SGK3: variants seen among roughly 807,000 people sequenced by gnomAD.
SGK3 encodes serum/glucocorticoid regulated kinase family member 3.
In SGK3, 47 loss-of-function variants were observed where a neutral mutation model predicts 68.5. The observed-to-expected ratio is 0.69, with a 90% CI of 0.54 to 0.87. The LOEUF is 0.87. Ranked by LOEUF, SGK3 falls within the 40% of genes least tolerant of loss-of-function variation. The pLI, the probability that SGK3 is intolerant of heterozygous loss-of-function variation, is 0.00. For missense variants in SGK3, 479 were observed against 575.5 expected, an observed-to-expected ratio of 0.83 and a Z score of 1.72; for synonymous variants, 181 against 189.1, an observed-to-expected ratio of 0.96 and a Z score of 0.35.
chr8:66,723,137 T>A lies in SGK3; in HGVS notation c.-122+10304T>A, dbSNP rs1389651802. Among the ~76,000 whole-genome samples, 480 of 94,902 alleles carry A rather than the reference T, an allele frequency of 5.1e-3. 1 individual carries two copies. Among genetic ancestry groups the A allele is most frequent in the African/African-American group, 0.013 (295 of 23,506 alleles). 62.3% of individuals were successfully genotyped at this position (94,902 alleles called of 152,430 possible). A position where few individuals can be genotyped will look rare whatever the true frequency, so the allele number is the denominator to read the frequency against. On this transcript the variant is annotated intron_variant, in intron 1 of 16. Coordinates refer to ENST00000521198, the MANE Select transcript of SGK3 (RefSeq NM_001033578.3). ...TATATATATATATATATATATTTTT[T>A]TTTTTTTTTTTTTTTGTAAAAGGGT... is the stretch of plus-strand genomic sequence containing the variant.
intron 6 of SGK3, among the ~76,000 whole-genome samples, chr8:66,827,924 CCAT>C (rs1432998765): frequency 2.0e-5 from 3 of 152,062 alleles, no homozygotes; most frequent in Non-Finnish European, 4.4e-5. Context: ...GAGATCGAGA[CCAT>C]CCTGGCTAAC....
chr8:66,746,011 G>A (rs1299569831), intron 1 of SGK3, among the ~76,000 whole-genome samples: 2 of 152,180 alleles, frequency 1.3e-5, no homozygotes, highest in African/African-American at 4.8e-5. Flanking sequence ...AGCCATAGCA[G>A]ATTTATTAAA....
Position 66,843,494 on chromosome 8 carries a change from A to T in SGK3, c.1021A>T (p.Thr341Ser). Reference protein sequence around the residue: ...EVIRKQPYDNTVDWWCLGAVL... With the variant: ...EVIRKQPYDNSVDWWCLGAVL... ...AATTAGAAAACAGCCCTATGACAAT[A>T]CTGTAGATTGGTGGTGCCTTGGGGC... Residue 341 changes from threonine (T) to serine (S), a missense_variant, in exon 14 of 17, where the codon ACT becomes TCT. Thr to Ser is a moderately conservative substitution (Grantham distance 58, BLOSUM62 1). Coordinates refer to ENST00000521198, the MANE Select transcript of SGK3 (RefSeq NM_001033578.3). 1 of 1,614,022 alleles carries T rather than the reference A, an allele frequency of 6.2e-7. No individual in the cohort carries two copies. Among genetic ancestry groups the T allele is most frequent in the Non-Finnish European group, 8.5e-7 (1 of 1,180,016 alleles).
intron 8 of SGK3, 97 bp downstream of exon 8, chr8:66,831,408 G>A (rs1362239791): frequency 4.9e-6 from 7 of 1,422,290 alleles, no homozygotes; most frequent in Non-Finnish European, 5.9e-6. Context: ...GTGTAGTGGT[G>A]CAGTCATAGC....
At position 66,850,811 on chromosome 8, in the gene SGK3, A is replaced by C; in HGVS notation, c.1231-20A>C. The C allele has an allele frequency of 6.3e-7, 1 of 1,580,088 alleles. No homozygotes were observed. Among genetic ancestry groups the C allele is most frequent in the East Asian group, 2.3e-5 (1 of 43,694 alleles). On this transcript the variant is annotated intron_variant, in intron 15 of 16. Coordinates refer to ENST00000521198, the MANE Select transcript of SGK3 (RefSeq NM_001033578.3). Reference sequence around the variant, plus strand: ...TATATTCTTCGGCATTAGTAAAACAAATTTTTTTTAATATTCCAGCTTGAA... The same window carrying C: ...TATATTCTTCGGCATTAGTAAAACACATTTTTTTTAATATTCCAGCTTGAA...
intron 1 of SGK3, among the ~76,000 whole-genome samples, chr8:66,735,658 C>A (rs1347692631): frequency 1.3e-5 from 2 of 152,126 alleles, no homozygotes; most frequent in Admixed American, 6.6e-5. Context: ...GATGAAAAAG[C>A]AAGAAGCACT....
At chr8:66,840,751 C>A (rs546182707) in intron 12 of SGK3, 1 of 232,100 alleles carries the variant, frequency 4.3e-6, no homozygotes, top group African/African-American at 2.3e-5. Context: ...TGAGGTGGCA[C>A]GCCTGGGCAA....
intron 1 of SGK3, among the ~76,000 whole-genome samples, chr8:66,714,502 G>A (rs1426116525): frequency 2.0e-5 from 3 of 152,066 alleles, no homozygotes; most frequent in Non-Finnish European, 2.9e-5. Flanking sequence ...CCCTTTCTGT[G>A]CCCCCCTCCC....
intron 12 of SGK3, among the ~76,000 whole-genome samples, 192 bp downstream of exon 12, chr8:66,840,439 A>G (rs1335840701): frequency 6.6e-6 from 1 of 152,160 alleles, no homozygotes; most frequent in East Asian, 1.9e-4. Context: ...GTGCAAAGAT[A>G]AAGGGGTAGC....
intron 1 of SGK3, among the ~76,000 whole-genome samples, chr8:66,758,094 C>T (rs1585675455): frequency 6.6e-6 from 1 of 150,754 alleles, no homozygotes; most frequent in Admixed American, 6.6e-5. Context: ...TGGCTCACAC[C>T]TGTAATCCCA....
At chr8:66,767,352 G>T in intron 1 of SGK3, 1 of 1,051,470 alleles carries the variant, frequency 9.5e-7, no homozygotes, top group Non-Finnish European at 1.5e-6. Context: ...AACAAATAAT[G>T]CTTTATTAAT....
intron 1 of SGK3, among the ~76,000 whole-genome samples, chr8:66,791,993 A>AT (rs1196520472): frequency 6.6e-6 from 1 of 152,190 alleles, no homozygotes; most frequent in African/African-American, 2.4e-5. Context: ...GGAGAGACCA[A>AT]TTACATGTCT....
intron 8 of SGK3, among the ~76,000 whole-genome samples, chr8:66,832,921 T>G (rs1435986606): frequency 1.3e-5 from 2 of 150,516 alleles, no homozygotes; most frequent in Non-Finnish European, 2.9e-5. Context: ...TTTTTTTTTT[T>G]GCCATCTGAT....
At chr8:66,845,376 G>A (rs980738263) in intron 14 of SGK3, among the ~76,000 whole-genome samples, 2 of 151,336 alleles carry the variant, frequency 1.3e-5, no homozygotes, top group African/African-American at 2.4e-5. Context: ...TCCAGCATAG[G>A]CAACAAAGCG....
At chr8:66,797,667 C>T (rs1199947614) in intron 2 of SGK3, among the ~76,000 whole-genome samples, 2 of 152,152 alleles carry the variant, frequency 1.3e-5, no homozygotes, top group Non-Finnish European at 2.9e-5. Context: ...AGTTTGAAAA[C>T]TACTATGTGA....
At chr8:66,744,481 GTGTATATA>G (rs1379267068) in intron 1 of SGK3, among the ~76,000 whole-genome samples, 38 of 73,558 alleles carry the variant, frequency 5.2e-4, no homozygotes, top group African/African-American at 2.7e-3. Context: ...ATGTGTGTGT[GTGTATATA>G]TATATATATA....
chr8:66,843,642 T>C, intron 14 of SGK3, 95 bp downstream of exon 14: 1 of 1,238,228 alleles, frequency 8.1e-7, no homozygotes, highest in Non-Finnish European at 1.2e-6. Flanking sequence ...GACACTTAGA[T>C]AACACTAACA....
At chr8:66,810,819 C>G (rs1052456527) in intron 4 of SGK3, among the ~76,000 whole-genome samples, 4 of 152,072 alleles carry the variant, frequency 2.6e-5, no homozygotes, top group African/African-American at 9.7e-5. Context: ...TTTTTGAGTT[C>G]TTATACTGCA....
At chr8:66,782,902 C>G (rs1807049215) in intron 1 of SGK3, among the ~76,000 whole-genome samples, 1 of 152,128 alleles carries the variant, frequency 6.6e-6, no homozygotes, top group Admixed American at 6.5e-5. Flanking sequence ...TTGGTTGTTT[C>G]CAAGTTTTGG....
Sources: allele counts gnomAD v4.1 joint callset (sites outside exome capture counted in the v4.1 genomes callset), GRCh38; gene constraint gnomAD v4.1.1; transcripts MANE v1.5; gene names NCBI Gene and HGNC (gene_info 2026-07-23, HGNC 2026-07-21).